MACROD2: variants seen among roughly 807,000 people sequenced by gnomAD.
MACROD2 encodes mono-ADP ribosylhydrolase 2.
MACROD2 carries 36 observed loss-of-function variants against 70.4 expected under a neutral mutation model. The observed-to-expected ratio is 0.51, with a 90% CI of 0.39 to 0.68. The LOEUF is 0.68. MACROD2 is among the 30% of genes least tolerant of loss of function. The probability of loss-of-function intolerance (pLI) is 0.00; values close to 1 mark genes in which losing one functional copy is unlikely to be tolerated. For missense variants in MACROD2, 496 were observed against 538.4 expected (o/e 0.92, Z 0.78); for synonymous variants, 172 against 178.8 (o/e 0.96, Z 0.30).
intron 5 of MACROD2, among the ~76,000 whole-genome samples, chr20:14,865,216 G>A (rs1397045748): frequency 6.6e-6 from 1 of 152,084 alleles, no homozygotes; most frequent in Admixed American, 6.5e-5. Flanking sequence ...GGGAATTTCT[G>A]CCTTGGCAAC....
chr20:14,825,646 C>T (rs1312269434), intron 5 of MACROD2, among the ~76,000 whole-genome samples: 2 of 152,130 alleles, frequency 1.3e-5, no homozygotes, highest in East Asian at 1.9e-4. Context: ...AAGTTAGTTA[C>T]TTATCAAACC....
intron 5 of MACROD2, among the ~76,000 whole-genome samples, chr20:14,866,119 A>T (rs971738363): frequency 7.9e-5 from 12 of 152,168 alleles, no homozygotes; most frequent in African/African-American, 2.9e-4. Context: ...TGAATGAACA[A>T]ATAAGTGAAT....
chr20:15,044,351 A>G (rs1197156568), intron 5 of MACROD2, among the ~76,000 whole-genome samples: 2 of 152,180 alleles, frequency 1.3e-5, no homozygotes, highest in Non-Finnish European at 1.5e-5. Context: ...CTGAATATAT[A>G]TTTGTTATAT....
At chr20:15,890,790 C>T (rs991971620) in intron 10 of MACROD2, among the ~76,000 whole-genome samples, 3 of 151,860 alleles carry the variant, frequency 2.0e-5, no homozygotes, top group African/African-American at 4.8e-5. Context: ...AGAAATGAGT[C>T]GCCATAGCTC....
intron 9 of MACROD2, among the ~76,000 whole-genome samples, chr20:15,865,157 A>T (rs1433895581): frequency 6.6e-6 from 1 of 152,154 alleles, no homozygotes; most frequent in Non-Finnish European, 1.5e-5. Flanking sequence ...TCATTTTTAT[A>T]ATCAAACAAA....
chr20:15,139,862 A>G (rs946094943), intron 5 of MACROD2, among the ~76,000 whole-genome samples: 4 of 152,192 alleles, frequency 2.6e-5, no homozygotes, highest in East Asian at 3.8e-4. Flanking sequence ...CACAAGTGGC[A>G]TATAGAGACT....
chr20:15,355,841 G>A (rs1326517307), intron 6 of MACROD2, among the ~76,000 whole-genome samples: 1 of 152,130 alleles, frequency 6.6e-6, no homozygotes, highest in Admixed American at 6.5e-5. Flanking sequence ...TCAGGAATTA[G>A]GAAAATTTAT....
intron 7 of MACROD2, among the ~76,000 whole-genome samples, chr20:15,431,881 G>A (rs1002834323): frequency 3.3e-5 from 5 of 151,904 alleles, no homozygotes; most frequent in Non-Finnish European, 5.9e-5. Context: ...GTCCAAAGAA[G>A]TGACTTTTAC....
intron 5 of MACROD2, among the ~76,000 whole-genome samples, chr20:15,141,744 A>G (rs2076193926): frequency 6.6e-6 from 1 of 152,138 alleles, no homozygotes; most frequent in African/African-American, 2.4e-5. Context: ...GATTTTCTTA[A>G]ATCACAGGCC....
At chr20:14,719,482 AAAAAAG>A (rs1279752116) in intron 5 of MACROD2, among the ~76,000 whole-genome samples, 3 of 151,788 alleles carry the variant, frequency 2.0e-5, no homozygotes, top group African/African-American at 7.3e-5. Flanking sequence ...AGAAAAAAAA[AAAAAAG>A]AAAGAAAGAA....
chr20:14,554,210 C>A (rs1382604195), intron 4 of MACROD2, among the ~76,000 whole-genome samples: 1 of 152,108 alleles, frequency 6.6e-6, no homozygotes, highest in African/African-American at 2.4e-5. Context: ...TTGTATATCA[C>A]CCTTTGGGAA....
Position 14,118,923 on chromosome 20 carries a change from G to A in MACROD2, c.271+33195G>A, listed in dbSNP as rs1456107224. 8.2e-5 allele frequency among the ~76,000 whole-genome samples: 12 copies of A among 145,702 alleles called. No individual in the cohort carries two copies. The Admixed American group carries it at 8.6e-4, about 10-fold the overall frequency. Reference sequence around the variant, plus strand: ...TGCAATGGCGCGATCTCAGCTCACTGCCACCTCTGCCTCCCAGGTTCAAGC... The same window carrying A: ...TGCAATGGCGCGATCTCAGCTCACTACCACCTCTGCCTCCCAGGTTCAAGC... On this transcript the variant is annotated intron_variant, in intron 3 of 17. Coordinates refer to ENST00000684519, the MANE Select transcript of MACROD2 (RefSeq NM_001351661.2).
At chr20:15,655,979 T>G (rs529148350) in intron 8 of MACROD2, among the ~76,000 whole-genome samples, 1 of 152,344 alleles carries the variant, frequency 6.6e-6, no homozygotes, top group Admixed American at 6.5e-5. Context: ...ATCCTCGTAA[T>G]GGTAACCTGG....
At chr20:14,433,599 A>G (rs566436500) in intron 3 of MACROD2, among the ~76,000 whole-genome samples, 16 of 152,226 alleles carry the variant, frequency 1.1e-4, no homozygotes, top group Admixed American at 2.6e-4. Context: ...CAGTGCAACC[A>G]TCTTCATTTG....
intron 6 of MACROD2, among the ~76,000 whole-genome samples, chr20:15,257,769 T>A (rs1178591311): frequency 1.3e-5 from 2 of 152,116 alleles, no homozygotes; most frequent in African/African-American, 4.8e-5. Context: ...TTTGCTATAC[T>A]TCTTATCACT....
At chr20:15,634,893 A>G (rs1309532080) in intron 8 of MACROD2, among the ~76,000 whole-genome samples, 1 of 152,256 alleles carries the variant, frequency 6.6e-6, no homozygotes, top group Non-Finnish European at 1.5e-5. Flanking sequence ...GGCAAAGGCC[A>G]TCTTCTTGCT....
intron 6 of MACROD2, among the ~76,000 whole-genome samples, chr20:15,240,088 C>G (rs2077048271): frequency 6.6e-6 from 1 of 152,146 alleles, no homozygotes; most frequent in Non-Finnish European, 1.5e-5. Context: ...ATGAGTATCA[C>G]CAATGGGAGG....
chr20:15,275,217 AACAC>A (rs1032708392), intron 6 of MACROD2, among the ~76,000 whole-genome samples: 18 of 152,294 alleles, frequency 1.2e-4, no homozygotes, highest in Non-Finnish European at 1.8e-4. Flanking sequence ...CTAAACCACA[AACAC>A]ACAAACAACA....
intron 12 of MACROD2, among the ~76,000 whole-genome samples, chr20:15,965,947 C>G (rs2066134667): frequency 6.6e-6 from 1 of 152,168 alleles, no homozygotes; most frequent in African/African-American, 2.4e-5. Flanking sequence ...ATTAAAACCA[C>G]ACACTTCGGG....
Sources: gnomAD v4.1 joint callset for allele counts (sites outside exome capture counted in the v4.1 genomes callset) on GRCh38, gnomAD v4.1.1 for gene constraint, MANE v1.5 for transcripts, NCBI Gene and HGNC (gene_info 2026-07-23, HGNC 2026-07-21) for gene names.